CRISPLD1: variants seen among roughly 807,000 people sequenced by gnomAD.
The protein encoded by CRISPLD1 is cysteine-rich secretory protein LCCL domain-containing 1.
CRISPLD1 carries 60 observed loss-of-function variants against 77.5 expected under a neutral mutation model. The observed-to-expected ratio is 0.77, with a 90% confidence interval of 0.63 to 0.96. The LOEUF (loss-of-function observed/expected upper bound fraction) is 0.96, where lower values mean the gene tolerates loss of function less well. Among genes scored for constraint, CRISPLD1 ranks in the 40% least tolerant of loss-of-function variants. The probability of loss-of-function intolerance (pLI) is 0.00; values close to 1 mark genes in which losing one functional copy is unlikely to be tolerated. For missense variants in CRISPLD1, 623 were observed against 615.8 expected (o/e 1.01, Z -0.12); for synonymous variants, 195 against 200.1 (o/e 0.97, Z 0.22).
rs889060695 is a variant in CRISPLD1, at chr8:74,989,599, G to A, written c.258+3354G>A. ...TGTCCTTTGCACACTTGTTAGTGGG[G>A]TTGTTTTTTTTCTCATTGAGTTGAG... On this transcript the variant is annotated intron_variant, in intron 2 of 14. Coordinates refer to ENST00000262207, the MANE Select transcript of CRISPLD1 (RefSeq NM_031461.6). 2.0e-4 allele frequency among the ~76,000 whole-genome samples: 30 copies of A among 151,676 alleles called. 1 individual carries two copies. Among genetic ancestry groups the A allele is most frequent in the African/African-American group, 5.8e-4 (24 of 41,394 alleles).
chr8:75,027,438 C>T (rs552548938), intron 13 of CRISPLD1, among the ~76,000 whole-genome samples: 2 of 152,280 alleles, frequency 1.3e-5, no homozygotes, highest in East Asian at 3.9e-4. Context: ...TAATTTTAGT[C>T]ACGTCTAGTG....
intron 14 of CRISPLD1, among the ~76,000 whole-genome samples, chr8:75,031,567 CTGTG>C (rs755567610): frequency 1.4e-3 from 91 of 65,700 alleles, no homozygotes; most frequent in Non-Finnish European, 2.3e-3. Context: ...ATTGAATGCT[CTGTG>C]TGTGTGTGTG....
chr8:74,990,314 G>C (rs1812554006), intron 2 of CRISPLD1, among the ~76,000 whole-genome samples: 1 of 151,710 alleles, frequency 6.6e-6, no homozygotes, highest in Non-Finnish European at 1.5e-5. Context: ...AAACCTGATA[G>C]GTTGTAGTGA....
intron 3 of CRISPLD1, 98 bp from the exon 4 acceptor site, chr8:75,012,792 G>T (rs1812955638): frequency 2.9e-6 from 4 of 1,360,652 alleles, no homozygotes; most frequent in Non-Finnish European, 3.0e-6. Context: ...TTACGCCAAA[G>T]TGTCTTTCTA....
intron 2 of CRISPLD1, among the ~76,000 whole-genome samples, chr8:75,010,711 T>C (rs1403325718): frequency 6.6e-6 from 1 of 152,148 alleles, no homozygotes; most frequent in Non-Finnish European, 1.5e-5. Context: ...GTAACCTCTT[T>C]TATCCTGTCT....
At chr8:75,007,696 A>G (rs577949435) in intron 2 of CRISPLD1, among the ~76,000 whole-genome samples, 2 of 130,718 alleles carry the variant, frequency 1.5e-5, no homozygotes, top group Admixed American at 1.6e-4. Context: ...TTAAAGAGAC[A>G]AGTTCTTACA....
Position 75,025,568 on chromosome 8 carries a change from A to C in CRISPLD1, c.1267A>C (p.Met423Leu). Reference protein sequence around the residue: ...CPRVYCPRNCMQANPHYARVI... With the variant: ...CPRVYCPRNCLQANPHYARVI... ...CAGAGTATACTGTCCTCGTAACTGT[A>C]TGCAAGCAAATCCACATTATGCTCG... The change falls in exon 13 of 15, where the codon ATG (methionine) becomes CTG (leucine). Residue 423 changes from methionine (M) to leucine (L), a missense_variant. Coordinates refer to ENST00000262207, the MANE Select transcript of CRISPLD1 (RefSeq NM_031461.6). The C allele has an allele frequency of 6.3e-7, 1 of 1,581,290 alleles. No individual in the cohort carries two copies. The highest frequency in any genetic ancestry group is 8.7e-7 in the Non-Finnish European group (1 of 1,152,738).
At chr8:75,010,227 G>A (rs1240939943) in intron 2 of CRISPLD1, among the ~76,000 whole-genome samples, 4 of 151,954 alleles carry the variant, frequency 2.6e-5, no homozygotes, top group Non-Finnish European at 2.9e-5. Context: ...ATATTTCAGA[G>A]CCACAATGGA....
intron 2 of CRISPLD1, among the ~76,000 whole-genome samples, chr8:74,996,322 A>C (rs562896135): frequency 6.6e-6 from 1 of 152,224 alleles, no homozygotes; most frequent in South Asian, 2.1e-4. Context: ...ATTATTGATA[A>C]ATTTATGTTT....
At chr8:75,027,639 G>A (rs947117835) in intron 13 of CRISPLD1, among the ~76,000 whole-genome samples, 2 of 152,086 alleles carry the variant, frequency 1.3e-5, no homozygotes, top group African/African-American at 2.4e-5. Context: ...CTGTCAAATA[G>A]CAAGTATGAA....
chr8:74,997,885 T>C (rs1237113286), intron 2 of CRISPLD1, among the ~76,000 whole-genome samples: 2 of 152,186 alleles, frequency 1.3e-5, no homozygotes, highest in Non-Finnish European at 2.9e-5. Flanking sequence ...TGAGGAATGC[T>C]CAGAAGTCTT....
rs201298922 is a variant in CRISPLD1 at position 74,996,996 on chromosome 8, C to T, written c.258+10751C>T. Among the ~76,000 whole-genome samples the T allele has an allele frequency of 3.3e-5, 5 of 151,974 alleles. No homozygotes were observed. The East Asian group carries it at 5.8e-4, about 18-fold the overall frequency. On this transcript the variant is annotated intron_variant, in intron 2 of 14. Transcript: ENST00000262207. ...CCTCCTGAAGTGCAGGGATTATAGG[C>T]GAGAGCCACTGTGCCTGGCCCCAGA... is the stretch of plus-strand genomic sequence containing the variant.
At position 74,984,840 on chromosome 8, in the gene CRISPLD1, CCCT is replaced by C. The variant is rs1812471815; in HGVS notation, c.-142_-140del. 4.6e-5 allele frequency: 7 copies of C among 152,300 alleles called. No individual in the cohort carries two copies. The highest frequency in any genetic ancestry group is 1.7e-4 in the African/African-American group (7 of 41,444). The allele number at this position is 152,300 out of a possible 1,614,324, so 9.4% of individuals were successfully genotyped here. On this transcript the variant is annotated 5_prime_UTR_variant, in exon 1 of 15. Transcript: ENST00000262207. Reference sequence around the variant, plus strand: ...GCGAGCGGGGCTCTCCGTCTGCGGTCCCTTGTGAAGGCTCTGGGCGGCTGCAGA... The same window carrying C: ...GCGAGCGGGGCTCTCCGTCTGCGGTCTGTGAAGGCTCTGGGCGGCTGCAGA...
In CRISPLD1 at chr8:74,986,243, A is replaced by T. The variant is rs1812493837; in HGVS notation, c.256A>T (p.Met86Leu). The change falls in exon 2 of 15, where the codon ATG (methionine) becomes TTG (leucine). Residue 86 changes from methionine to leucine, a missense_variant and splice_region_variant. By Grantham distance (15) the Met-to-Leu change is conservative. Transcript: ENST00000262207. The part of the protein sequence containing the change: ...VYPTASNMEY[M>L]TWDVELERSA... ...TCCAACAGCCTCTAATATGGAGTAT[A>T]TGGTAAGGACATTTTTCAAGTGGTA... 1 of 1,613,538 alleles carries T rather than the reference A, an allele frequency of 6.2e-7. No homozygotes were observed. Among genetic ancestry groups the T allele is most frequent in the South Asian group, 1.1e-5 (1 of 91,070 alleles).
intron 2 of CRISPLD1, among the ~76,000 whole-genome samples, chr8:75,003,895 T>C (rs1355393263): frequency 2.0e-5 from 3 of 152,168 alleles, no homozygotes. Context: ...ATAAGCCCTA[T>C]GTCATGCATC....
chr8:75,028,648 G>A (rs1399260300), intron 13 of CRISPLD1, among the ~76,000 whole-genome samples: 3 of 152,140 alleles, frequency 2.0e-5, no homozygotes, highest in Non-Finnish European at 4.4e-5. Context: ...TATTGGACCT[G>A]AAACAACAAT....
Position 74,987,288 on chromosome 8 carries a change from T to C in CRISPLD1, c.258+1043T>C, listed in dbSNP as rs1310084201. ...AAGTAGGTGGCACTCAAGAGACTAA[T>C]CAGGGATTAAGAATTGAGACTCAGG... On this transcript the variant is annotated intron_variant, in intron 2 of 14. Coordinates refer to ENST00000262207, the MANE Select transcript of CRISPLD1 (RefSeq NM_031461.6). Among the ~76,000 whole-genome samples, 5 of 152,168 alleles carry C rather than the reference T, an allele frequency of 3.3e-5. No homozygotes were observed. The East Asian group carries it at 9.6e-4, about 29-fold the overall frequency.
At position 75,007,663 on chromosome 8, in the gene CRISPLD1, CTT is replaced by C. The variant is rs34289550; in HGVS notation, c.259-4747_259-4746del. Among the ~76,000 whole-genome samples the C allele has an allele frequency of 1.5e-4, 13 of 89,302 alleles. No homozygotes were observed. The East Asian group carries it at 2.1e-3, about 15-fold the overall frequency. 58.6% of individuals were successfully genotyped at this position (89,302 alleles called of 152,430 possible). Reference sequence around the variant, plus strand: ...TGGGATTACAGACGTGAACCATCGACTTTTTTTTTTTTTTTTTTTTTTTTAAA... The same window carrying C: ...TGGGATTACAGACGTGAACCATCGACTTTTTTTTTTTTTTTTTTTTTTAAA... On this transcript the variant is annotated intron_variant, in intron 2 of 14. Transcript: ENST00000262207.
intron 2 of CRISPLD1, among the ~76,000 whole-genome samples, chr8:74,995,961 A>T (rs2128781643): frequency 6.6e-6 from 1 of 151,622 alleles, no homozygotes; most frequent in Admixed American, 6.6e-5. Flanking sequence ...TTTAAAACTT[A>T]AATTCTCATA....
Sources: gnomAD v4.1 joint callset for allele counts (sites outside exome capture counted in the v4.1 genomes callset) on GRCh38, gnomAD v4.1.1 for gene constraint, MANE v1.5 for transcripts, NCBI Gene and HGNC (gene_info 2026-07-23, HGNC 2026-07-21) for gene names.